Variants in PCDHGA8 observed in about 807,000 individuals in gnomAD.
PCDHGA8 encodes protocadherin gamma-A8.
In PCDHGA8, 45 loss-of-function variants were observed where a neutral mutation model predicts 59.2. That is an observed-to-expected ratio of 0.76 (90% CI 0.60 to 0.98). The LOEUF (loss-of-function observed/expected upper bound fraction) is 0.98. PCDHGA8 is among the 50% of genes least tolerant of loss of function. PCDHGA8 has a pLI of 0.00. For synonymous variants in PCDHGA8, 531 were observed against 519.0 expected (o/e 1.02, Z -0.32); for missense variants, 1,257 against 1,196.2 (o/e 1.05, Z -0.75).
intron 1 of PCDHGA8, chr5:141,399,646 AGT>A: frequency 6.2e-7 from 1 of 1,613,790 alleles, no homozygotes; most frequent in African/African-American, 1.3e-5. Context: ...GAGCGCGCAA[AGT>A]GGGGTGGTGT....
At chr5:141,510,906 C>G in intron 3 of PCDHGA8, 41 bp from the exon 4 acceptor site, 1 of 1,613,582 alleles carries the variant, frequency 6.2e-7, no homozygotes, top group Non-Finnish European at 8.5e-7. Context: ...TGTTGAGGAC[C>G]CTAAGTTTAG....
At chr5:141,430,986 C>T (rs549700048) in intron 1 of PCDHGA8, 3 of 1,613,762 alleles carry the variant, frequency 1.9e-6, no homozygotes, top group East Asian at 2.2e-5. Flanking sequence ...CAGCTTTTCG[C>T]CCTGAATCCG....
At chr5:141,403,864 A>C in intron 1 of PCDHGA8, 1 of 1,613,794 alleles carries the variant, frequency 6.2e-7, no homozygotes, top group Non-Finnish European at 8.5e-7. Flanking sequence ...TATCAACAGC[A>C]AAAAGTCTAG....
Position 141,485,863 on chromosome 5 carries a change from A to G in PCDHGA8, c.2425-8944A>G, listed in dbSNP as rs770864367. 78 of 1,614,054 alleles carry G rather than the reference A, an allele frequency of 4.8e-5. No individual in the cohort carries two copies. Among genetic ancestry groups the G allele is most frequent in the Non-Finnish European group, 6.0e-5 (71 of 1,180,040 alleles). ...GATCTGGCACCGCAGAGCTCCGGGT[A>G]TCCGTGCTGGACGTAAACGACAACG... On this transcript the variant is annotated intron_variant, in intron 1 of 3. Coordinates refer to ENST00000398604, the MANE Select transcript of PCDHGA8 (RefSeq NM_032088.2). The surrounding 1 kb of genome is among the most constrained non-coding windows in gnomAD (Gnocchi z 5.7).
At chr5:141,445,300 TCA>T (rs1443961962) in intron 1 of PCDHGA8, among the ~76,000 whole-genome samples, 1 of 152,202 alleles carries the variant, frequency 6.6e-6, no homozygotes, top group Non-Finnish European at 1.5e-5. Flanking sequence ...TCCATTCTCT[TCA>T]GTTTGTAGGT....
chr5:141,410,084 ACGG>A (rs748556729), intron 1 of PCDHGA8: 3 of 1,612,532 alleles, frequency 1.9e-6, no homozygotes, highest in Non-Finnish European at 2.5e-6. Context: ...GGAGGTGCGC[ACGG>A]CTCGAGCCTT....
chr5:141,500,433 T>A (rs1398344932), intron 2 of PCDHGA8, among the ~76,000 whole-genome samples: 17 of 151,882 alleles, frequency 1.1e-4, no homozygotes, highest in East Asian at 7.8e-4. Flanking sequence ...ATGGTCTCGA[T>A]CTCCTGACCT....
rs764337284 is a variant in PCDHGA8, at chr5:141,490,255, G to A, written c.2425-4552G>A. Reference sequence around the variant, plus strand: ...GGAGGGCCACTGTGTGATTCAAGTGGATGTGGGGGATGTCAATGACAATGC... The same window carrying A: ...GGAGGGCCACTGTGTGATTCAAGTGAATGTGGGGGATGTCAATGACAATGC... On this transcript the variant is annotated intron_variant, in intron 1 of 3. Transcript: ENST00000398604. The surrounding 1 kb of genome is among the most constrained non-coding windows in gnomAD (Gnocchi z 5.4). 6 of 1,614,118 alleles carry A rather than the reference G, an allele frequency of 3.7e-6. No individual in the cohort carries two copies. In the Admixed American group the frequency reaches 6.7e-5, roughly 18 times the overall value.
At position 141,408,680 on chromosome 5, in the gene PCDHGA8, C is replaced by G. The variant is rs774572788; in HGVS notation, c.2424+13443C>G. 1.5e-4 allele frequency: 245 copies of G among 1,613,812 alleles called. No homozygotes were observed. Among genetic ancestry groups the G allele is most frequent in the Non-Finnish European group, 1.9e-4 (222 of 1,179,872 alleles). On this transcript the variant is annotated intron_variant, in intron 1 of 3. Coordinates refer to ENST00000398604, the MANE Select transcript of PCDHGA8 (RefSeq NM_032088.2). ...ACTATCGCTTGACCCTGCCACGGAT[C>G]CTGATATAAACATAAACTCAATTAA...
In PCDHGA8 at chr5:141,485,910, G is replaced by C. The variant is rs142273728; in HGVS notation, c.2425-8897G>C. On this transcript the variant is annotated intron_variant, in intron 1 of 3. Transcript: ENST00000398604. The surrounding 1 kb of genome is among the most constrained non-coding windows in gnomAD (Gnocchi z 5.7). ...AACGCCCCAGCCTTCCAGCAATCCAGCTACAGGATTAGTGTGTTGGAGAGC... is the reference window on the plus strand; with the variant it reads ...AACGCCCCAGCCTTCCAGCAATCCACCTACAGGATTAGTGTGTTGGAGAGC... The C allele has an allele frequency of 1.2e-6, 2 of 1,614,078 alleles. No homozygotes were observed. Among genetic ancestry groups the C allele is most frequent in the African/African-American group, 2.7e-5 (2 of 74,932 alleles).
At chr5:141,434,683 T>A (rs1057301534) in intron 1 of PCDHGA8, among the ~76,000 whole-genome samples, 8 of 152,248 alleles carry the variant, frequency 5.3e-5, no homozygotes, top group Non-Finnish European at 5.9e-5. Flanking sequence ...AATGACTGGC[T>A]TGCTGTTAAT....
rs369793035 is a variant in PCDHGA8, at chr5:141,408,762, A to T, written c.2424+13525A>T. 57 of 1,610,942 alleles carry T rather than the reference A, an allele frequency of 3.5e-5. No homozygotes were observed. The highest frequency in any genetic ancestry group is 4.6e-5 in the Non-Finnish European group (54 of 1,178,454). On this transcript the variant is annotated intron_variant, in intron 1 of 3. Transcript: ENST00000398604. ...TCATTAATGGTTAGAGTTAATTCCG[A>T]TGGTGGCAAATACCCAGAGTTATCT...
intron 1 of PCDHGA8, among the ~76,000 whole-genome samples, chr5:141,479,846 C>A (rs1350909064): frequency 1.3e-5 from 2 of 152,194 alleles, no homozygotes; most frequent in Admixed American, 6.5e-5. Context: ...TGCAAGGTGA[C>A]TGCAAGGCCT....
At chr5:141,501,837 G>C (rs2099811299) in intron 2 of PCDHGA8, among the ~76,000 whole-genome samples, 1 of 152,018 alleles carries the variant, frequency 6.6e-6, no homozygotes, top group Admixed American at 6.5e-5. Flanking sequence ...CCACCTGTTT[G>C]GCCCTCAACC....
rs750200042 is a variant in PCDHGA8, at chr5:141,418,821, C to A, written c.2424+23584C>A. On this transcript the variant is annotated intron_variant, in intron 1 of 3. Coordinates refer to ENST00000398604, the MANE Select transcript of PCDHGA8 (RefSeq NM_032088.2). ...GAAAGATATACGATAAACATAGAAG[C>A]AAAAGACCGAGGATCTCTCTCAACA... 8.1e-6 allele frequency: 13 copies of A among 1,613,846 alleles called. 1 individual carries two copies. The highest frequency in any genetic ancestry group is 1.6e-4 in the Middle Eastern group (1 of 6,062).
intron 1 of PCDHGA8, chr5:141,421,501 G>T: frequency 6.2e-7 from 1 of 1,614,094 alleles, no homozygotes; most frequent in Non-Finnish European, 8.5e-7. Context: ...AGGCAGGATA[G>T]ACCGGGAGGA....
At chr5:141,395,468 C>T (rs909198422) in intron 1 of PCDHGA8, 2 of 569,714 alleles carry the variant, frequency 3.5e-6, no homozygotes, top group African/African-American at 3.8e-5. Flanking sequence ...TTAAGCCTTC[C>T]AGTATTTTAT....
At chr5:141,408,618 A>C (rs1264915663) in intron 1 of PCDHGA8, 1 of 1,614,024 alleles carries the variant, frequency 6.2e-7, no homozygotes, top group Admixed American at 1.7e-5. Flanking sequence ...AAGGAAATAC[A>C]TTTAGAAATT....
At chr5:141,421,587 G>T (rs758433133) in intron 1 of PCDHGA8, 6 of 1,613,900 alleles carry the variant, frequency 3.7e-6, no homozygotes, top group Non-Finnish European at 4.2e-6. Flanking sequence ...TTTACGGAGT[G>T]GAGGTGGAAA....
Sources: allele counts gnomAD v4.1 joint callset (sites outside exome capture counted in the v4.1 genomes callset), GRCh38; gene constraint gnomAD v4.1.1; non-coding constraint Gnocchi (gnomAD v3.1); transcripts MANE v1.5; gene names NCBI Gene and HGNC (gene_info 2026-07-23, HGNC 2026-07-21).